CELF4: variants seen among roughly 807,000 people sequenced by gnomAD.
CELF4 encodes CUGBP Elav-like family member 4, also known as CUG-BP- and ETR-3-like factor 4.
A neutral mutation model predicts 59.9 loss-of-function variants in CELF4; 18 were observed. The ratio of observed to expected loss-of-function variants is 0.30; its 90% CI spans 0.21 to 0.45. CELF4 has a LOEUF of 0.45. Among genes scored for constraint, CELF4 ranks in the 20% least tolerant of loss-of-function variants. The pLI, the probability that CELF4 is intolerant of heterozygous loss-of-function variation, is 1.00. For missense variants in CELF4, 456 were observed against 689.0 expected, an observed-to-expected ratio of 0.66 and a Z score of 3.79; for synonymous variants, 261 against 267.1, an observed-to-expected ratio of 0.98 and a Z score of 0.22.
chr18:37,509,681 A>G (rs1391332660), intron 1 of CELF4, among the ~76,000 whole-genome samples: 1 of 152,270 alleles, frequency 6.6e-6, no homozygotes, highest in African/African-American at 2.4e-5. Flanking sequence ...AAAGAATTAA[A>G]GATGGGTATT....
Position 37,244,590 on chromosome 18 carries a change from T to C in CELF4, c.*652A>G, listed in dbSNP as rs528743869. The C allele has an allele frequency of 6.6e-6, 1 of 152,564 alleles. No homozygotes were observed. Among genetic ancestry groups the C allele is most frequent in the Non-Finnish European group, 1.5e-5 (1 of 68,040 alleles). 9.5% of individuals were successfully genotyped at this position (152,564 alleles called of 1,614,324 possible). A position where few individuals can be genotyped will look rare whatever the true frequency, so the allele number is the denominator to read the frequency against. ...TTGTTTTTTTTGTTTTTTGTTTTTT[T>C]TTTAATTTTTTATTACATTTTTTCA... On this transcript the variant is annotated 3_prime_UTR_variant, in exon 13 of 13. Coordinates refer to ENST00000420428, the MANE Select transcript of CELF4 (RefSeq NM_020180.4).
chr18:37,425,269 T>C (rs1028758214), intron 2 of CELF4, among the ~76,000 whole-genome samples: 5 of 152,202 alleles, frequency 3.3e-5, no homozygotes, highest in East Asian at 1.9e-4. Flanking sequence ...ATGACAGGAT[T>C]GTAGTCCTGC....
Position 37,253,659 on chromosome 18 carries a change from G to A in CELF4, c.*44+108C>T. ...AGGAGCAGGTTGAGCCGGGCGCAGC[G>A]GGTCCAAGGCACCAGTGAGGGTCCG... On this transcript the variant is annotated intron_variant, in intron 12 of 12. Transcript: ENST00000420428. The surrounding 1 kb of genome is among the most constrained non-coding windows in gnomAD (Gnocchi z 4.5). 1.0e-5 allele frequency: 8 copies of A among 774,962 alleles called. No homozygotes were observed. Among genetic ancestry groups the A allele is most frequent in the Non-Finnish European group, 1.5e-5 (8 of 526,640 alleles). The allele number at this position is 774,962 out of a possible 1,614,324, so 48.0% of individuals were successfully genotyped here.
intron 10 of CELF4, among the ~76,000 whole-genome samples, chr18:37,261,109 C>A (rs1015367676): frequency 3.3e-5 from 5 of 152,156 alleles, no homozygotes; most frequent in Admixed American, 6.5e-5. Context: ...CCTGCTCATG[C>A]CCGAATCCAC....
At chr18:37,313,641 G>A (rs1393276693) in intron 3 of CELF4, among the ~76,000 whole-genome samples, 1 of 152,204 alleles carries the variant, frequency 6.6e-6, no homozygotes, top group Non-Finnish European at 1.5e-5. Context: ...ACCCAGGCCC[G>A]CACTCCACAG....
chr18:37,380,051 T>G (rs2099018371), intron 2 of CELF4, among the ~76,000 whole-genome samples: 1 of 152,186 alleles, frequency 6.6e-6, no homozygotes, highest in Non-Finnish European at 1.5e-5. Flanking sequence ...CCAGGCCCTT[T>G]CAGCTTGTGG....
chr18:37,559,217 T>TGATCC (rs1407366430), intron 1 of CELF4, among the ~76,000 whole-genome samples: 2 of 152,170 alleles, frequency 1.3e-5, no homozygotes, highest in African/African-American at 4.8e-5. Context: ...CCCTTCTCCC[T>TGATCC]GATCCTGCAT....
At chr18:37,435,995 C>T (rs955289535) in intron 2 of CELF4, among the ~76,000 whole-genome samples, 2 of 152,098 alleles carry the variant, frequency 1.3e-5, no homozygotes, top group Admixed American at 6.5e-5. Flanking sequence ...CTGCAGGGCC[C>T]GCACCTCTCT....
intron 12 of CELF4, among the ~76,000 whole-genome samples, chr18:37,251,040 C>A (rs150845852): frequency 8.5e-5 from 13 of 152,218 alleles, no homozygotes; most frequent in African/African-American, 2.6e-4. Context: ...GCTTCTCATT[C>A]TCCTCACTTG....
At chr18:37,392,078 T>C (rs1439945397) in intron 2 of CELF4, among the ~76,000 whole-genome samples, 1 of 152,178 alleles carries the variant, frequency 6.6e-6, no homozygotes, top group Non-Finnish European at 1.5e-5. Context: ...GAGCCTCTGC[T>C]CCCTTCCACT....
At chr18:37,391,130 A>G (rs1456185178) in intron 2 of CELF4, among the ~76,000 whole-genome samples, 1 of 151,994 alleles carries the variant, frequency 6.6e-6, no homozygotes, top group Non-Finnish European at 1.5e-5. Context: ...CCCCCTGGGG[A>G]GGGGTCCCTA....
chr18:37,409,362 G>A (rs531854488), intron 2 of CELF4, among the ~76,000 whole-genome samples: 1 of 152,258 alleles, frequency 6.6e-6, no homozygotes, highest in Admixed American at 6.5e-5. Flanking sequence ...TGAGCTAGGA[G>A]GAATCTTGGG....
chr18:37,451,176 G>A (rs1341069482), intron 2 of CELF4, among the ~76,000 whole-genome samples: 1 of 152,242 alleles, frequency 6.6e-6, no homozygotes, highest in Admixed American at 6.5e-5. Flanking sequence ...AGGGGACAGA[G>A]TGGTGGCTCC....
At chr18:37,563,055 C>T (rs1011931289) in intron 1 of CELF4, among the ~76,000 whole-genome samples, 5 of 150,960 alleles carry the variant, frequency 3.3e-5, no homozygotes, top group South Asian at 2.1e-4. Context: ...TTTTATATAT[C>T]GATATCTATA....
chr18:37,514,681 G>A (rs564549203), intron 1 of CELF4, among the ~76,000 whole-genome samples: 6 of 152,158 alleles, frequency 3.9e-5, no homozygotes, highest in South Asian at 4.2e-4. Context: ...AAAACCTTCC[G>A]GTGATAATAA....
chr18:37,273,258 C>G (rs2092180359), intron 6 of CELF4, 95 bp from the exon 7 acceptor site: 1 of 1,498,848 alleles, frequency 6.7e-7, no homozygotes, highest in African/African-American at 1.4e-5. Context: ...CTCCCAGGCT[C>G]TGAGCCCCAG....
At chr18:37,422,339 C>T (rs887837278) in intron 2 of CELF4, among the ~76,000 whole-genome samples, 5 of 152,218 alleles carry the variant, frequency 3.3e-5, no homozygotes, top group Non-Finnish European at 7.3e-5. Flanking sequence ...TTCCCTGTTT[C>T]GGCCATGTGG....
At position 37,565,749 on chromosome 18, in the gene CELF4, TC is replaced by T; in HGVS notation, c.-109del. The stretch of plus-strand genomic sequence containing the variant: ...CACGCATACACACACTCGGGTTCTC[TC>T]CCCCTCGGTTTCTCTACACCTCGCT... On this transcript the variant is annotated 5_prime_UTR_variant, in exon 1 of 13. Transcript: ENST00000420428. 1 of 862,310 alleles carries T rather than the reference TC, an allele frequency of 1.2e-6. No individual in the cohort carries two copies. Among genetic ancestry groups the T allele is most frequent in the Non-Finnish European group, 1.7e-6 (1 of 599,418 alleles). The allele number at this position is 862,310 out of a possible 1,614,324, so 53.4% of individuals were successfully genotyped here. A position where few individuals can be genotyped will look rare whatever the true frequency, so the allele number is the denominator to read the frequency against.
rs774969435 is a variant in CELF4, at chr18:37,259,198, T to A, written c.1316A>T (p.Gln439Leu). ...PQEFGDAELM[Q>L]MFLPFGFVSF... ...GACATTACCGAAAGGGAGGAACATC[T>A]GCATCAGCTCAGCGTCCCCAAACTC... Residue 439 changes from glutamine (Q) to leucine (L), a missense_variant, in exon 11 of 13, where the codon CAG (glutamine) becomes CTG (leucine). This residue lies in a region of CELF4 where 256 missense variants were observed against 340.8 expected (regional missense o/e 0.75). Coordinates refer to ENST00000420428, the MANE Select transcript of CELF4 (RefSeq NM_020180.4). The A allele has an allele frequency of 6.2e-7, 1 of 1,611,274 alleles. No homozygotes were observed. Among genetic ancestry groups the A allele is most frequent in the East Asian group, 2.2e-5 (1 of 44,672 alleles).
Sources: gnomAD v4.1 joint callset for allele counts (sites outside exome capture counted in the v4.1 genomes callset) on GRCh38, gnomAD v4.1.1 for gene constraint, gnomAD v4.1.1 regional missense constraint, Gnocchi (gnomAD v3.1) non-coding constraint, MANE v1.5 for transcripts, NCBI Gene and HGNC (gene_info 2026-07-23, HGNC 2026-07-21) for gene names.